The following SLC10A7 variants were observed in gnomAD, a reference collection of about 807,000 sequenced individuals.
SLC10A7 encodes solute carrier family 10 member 7.
Under a neutral mutation model 43.2 loss-of-function variants are expected in SLC10A7, and 29 were observed. That is an observed-to-expected ratio of 0.67 (90% CI 0.50 to 0.92). SLC10A7 has a LOEUF of 0.92. Ranked by LOEUF, SLC10A7 falls within the 40% of genes least tolerant of loss-of-function variation. SLC10A7 has a pLI of 0.00. For missense variants in SLC10A7, 295 were observed against 403.2 expected (o/e 0.73, Z 2.30); for synonymous variants, 152 against 144.8 (o/e 1.05, Z -0.35).
chr4:146,269,081 T>G (rs1180280681), intron 10 of SLC10A7, among the ~76,000 whole-genome samples: 1 of 152,230 alleles, frequency 6.6e-6, no homozygotes, highest in Admixed American at 6.5e-5. Context: ...CGACCCAGGC[T>G]GTAACCCCAT....
chr4:146,293,024 G>C (rs766749886), intron 8 of SLC10A7, 44 bp from the exon 9 acceptor site: 2 of 1,277,584 alleles, frequency 1.6e-6, no homozygotes, highest in Non-Finnish European at 2.2e-6. Context: ...TCTAAAAGCA[G>C]TATTTGTAGC....
At chr4:146,427,746 A>G (rs532368583) in intron 5 of SLC10A7, among the ~76,000 whole-genome samples, 128 of 152,318 alleles carry the variant, frequency 8.4e-4, no homozygotes, top group African/African-American at 3.1e-3. Context: ...ACTGATTTTA[A>G]TTATTGAAAA....
Position 146,486,681 on chromosome 4 carries a change from G to A in SLC10A7, c.396+17168C>T, listed in dbSNP as rs139213061. On this transcript the variant is annotated intron_variant, in intron 4 of 11. Transcript: ENST00000335472. The stretch of plus-strand genomic sequence containing the variant: ...GTTCATGGTACCAAAACAAATTCAG[G>A]ACAGAAGTTCTTTTATGTTTGAGGT... Among the ~76,000 whole-genome samples, 610 of 152,276 alleles carry A rather than the reference G, an allele frequency of 4.0e-3. 2 individuals are homozygous for A. The highest frequency in any genetic ancestry group is 6.9e-3 in the Non-Finnish European group (471 of 68,020).
intron 4 of SLC10A7, among the ~76,000 whole-genome samples, chr4:146,496,333 T>C (rs1263392062): frequency 6.6e-6 from 1 of 152,180 alleles, no homozygotes; most frequent in Non-Finnish European, 1.5e-5. Context: ...TACTGAGTAC[T>C]TTTGAGCTGA....
At chr4:146,407,181 A>G (rs542107953) in intron 5 of SLC10A7, among the ~76,000 whole-genome samples, 1 of 152,332 alleles carries the variant, frequency 6.6e-6, no homozygotes, top group African/African-American at 2.4e-5. Flanking sequence ...AGAAAAGTCA[A>G]CTTTCCAACT....
chr4:146,480,495 G>T (rs758928680), intron 4 of SLC10A7, among the ~76,000 whole-genome samples: 55 of 152,048 alleles, frequency 3.6e-4, no homozygotes, highest in Non-Finnish European at 8.8e-5. Flanking sequence ...TCCTATTCTT[G>T]CTGCTCCATT....
At chr4:146,368,194 T>A (rs558527029) in intron 5 of SLC10A7, among the ~76,000 whole-genome samples, 2 of 152,280 alleles carry the variant, frequency 1.3e-5, no homozygotes, top group South Asian at 4.1e-4. Context: ...TGTGTACTTT[T>A]TAGAATAAAA....
At chr4:146,483,676 G>A (rs1376356190) in intron 4 of SLC10A7, among the ~76,000 whole-genome samples, 1 of 151,716 alleles carries the variant, frequency 6.6e-6, no homozygotes, top group Non-Finnish European at 1.5e-5. Context: ...ACATAGAGAG[G>A]ATGATTGGAT....
chr4:146,266,416 C>T (rs562392201), intron 10 of SLC10A7, among the ~76,000 whole-genome samples: 13 of 152,032 alleles, frequency 8.6e-5, no homozygotes, highest in African/African-American at 2.7e-4. Context: ...CATGCCCATG[C>T]ACATGGACAC....
intron 11 of SLC10A7, 43 bp from the exon 12 acceptor site, chr4:146,256,563 G>A (rs1442484707): frequency 2.5e-6 from 4 of 1,607,126 alleles, no homozygotes; most frequent in African/African-American, 2.7e-5. Flanking sequence ...CAGTATCCAT[G>A]AGGAAAGTGA....
intron 8 of SLC10A7, among the ~76,000 whole-genome samples, 169 bp downstream of exon 8, chr4:146,293,761 C>T (rs186281042): frequency 1.3e-4 from 20 of 152,032 alleles, no homozygotes; most frequent in African/African-American, 4.3e-4. Flanking sequence ...AGTGTAAAGC[C>T]GATGTATTTT....
intron 6 of SLC10A7, among the ~76,000 whole-genome samples, chr4:146,322,458 G>C (rs1318703622): frequency 2.1e-5 from 3 of 144,198 alleles, no homozygotes; most frequent in Non-Finnish European, 4.5e-5. Context: ...CTATGAGTCA[G>C]AACATGCGGT....
intron 4 of SLC10A7, among the ~76,000 whole-genome samples, chr4:146,450,667 T>C (rs1731500835): frequency 6.6e-6 from 1 of 152,134 alleles, no homozygotes; most frequent in Non-Finnish European, 1.5e-5. Flanking sequence ...AAAACTCTAC[T>C]TACAAATTTA....
At chr4:146,262,686 C>A (rs1425095039) in intron 10 of SLC10A7, among the ~76,000 whole-genome samples, 2 of 152,178 alleles carry the variant, frequency 1.3e-5, no homozygotes, top group Admixed American at 1.3e-4. Flanking sequence ...TTTGACCTAA[C>A]CCTGCATTTC....
At chr4:146,389,695 T>G (rs1738275358) in intron 5 of SLC10A7, among the ~76,000 whole-genome samples, 1 of 152,206 alleles carries the variant, frequency 6.6e-6, no homozygotes, top group South Asian at 2.1e-4. Context: ...GGTTGGTTTA[T>G]CAGCTTCTAA....
At chr4:146,436,784 C>A (rs1205146253) in intron 5 of SLC10A7, among the ~76,000 whole-genome samples, 5 of 152,062 alleles carry the variant, frequency 3.3e-5, no homozygotes, top group Non-Finnish European at 7.4e-5. Context: ...AGATTCAGAG[C>A]CTTGAATACG....
intron 5 of SLC10A7, among the ~76,000 whole-genome samples, chr4:146,401,501 G>A (rs1739223497): frequency 6.6e-6 from 1 of 152,148 alleles, no homozygotes; most frequent in Non-Finnish European, 1.5e-5. Context: ...ACACTGGTGA[G>A]AGACGGAATA....
rs758697806 is a variant in SLC10A7, at chr4:146,449,102, T to C, written c.397-6281A>G. Among the ~76,000 whole-genome samples the C allele has an allele frequency of 1.1e-3, 168 of 152,266 alleles. 1 individual carries two copies. Among genetic ancestry groups the C allele is most frequent in the Non-Finnish European group, 1.8e-3 (120 of 68,014 alleles). ...TTTAGTGAGAGGACAAATTCCACAC[T>C]GGGCCACCACAGGAGCATCGGATAC... On this transcript the variant is annotated intron_variant, in intron 4 of 11. Coordinates refer to ENST00000335472, the MANE Select transcript of SLC10A7 (RefSeq NM_001029998.6).
chr4:146,313,213 G>T (rs888855183), intron 6 of SLC10A7, among the ~76,000 whole-genome samples: 2 of 152,130 alleles, frequency 1.3e-5, no homozygotes, highest in Admixed American at 1.3e-4. Flanking sequence ...GGAACCAAAG[G>T]GCAAGGGAAA....
Sources: gnomAD v4.1 joint callset for allele counts (sites outside exome capture counted in the v4.1 genomes callset) on GRCh38, gnomAD v4.1.1 for gene constraint, MANE v1.5 for transcripts, NCBI Gene and HGNC (gene_info 2026-07-23, HGNC 2026-07-21) for gene names.